Variants in TRPV4 observed in about 807,000 individuals in gnomAD.
TRPV4 encodes OSM9-like transient receptor potential channel 4.
A neutral mutation model predicts 84.1 loss-of-function variants in TRPV4; 58 were observed. The ratio of observed to expected loss-of-function variants is 0.69; its 90% confidence interval spans 0.56 to 0.86. TRPV4 has a LOEUF of 0.86. Among genes scored for constraint, TRPV4 ranks in the 40% least tolerant of loss-of-function variants. The pLI is 0.00. For synonymous variants in TRPV4, 489 were observed against 500.9 expected (o/e 0.98, Z 0.32); for missense variants, 879 against 1,181.1 (o/e 0.74, Z 3.75).
At chr12:109,821,682 C>G (rs550203970) in intron 1 of TRPV4, among the ~76,000 whole-genome samples, 1 of 152,166 alleles carries the variant, frequency 6.6e-6, no homozygotes, top group South Asian at 2.1e-4. Context: ...AGGCATGCAC[C>G]ACAACACCCG....
chr12:109,786,653 C>T lies in TRPV4; in HGVS notation c.2336+57G>A. On this transcript the variant is annotated intron_variant, in intron 14 of 15. Coordinates refer to ENST00000261740, the MANE Select transcript of TRPV4 (RefSeq NM_021625.5). The surrounding 1 kb of genome is among the most constrained non-coding windows in gnomAD (Gnocchi z 4.5). ...AGACGACGCTGGAGCAGCAGGGGCC[C>T]CGAGCCAGTGGGGACAGTTCCGCCC... 6.2e-7 allele frequency: 1 copy of T among 1,608,924 alleles called. No individual in the cohort carries two copies. The highest frequency in any genetic ancestry group is 8.5e-7 in the Non-Finnish European group (1 of 1,178,550).
chr12:109,801,545 A>T (rs1890783738), intron 4 of TRPV4, among the ~76,000 whole-genome samples: 1 of 152,180 alleles, frequency 6.6e-6, no homozygotes, highest in Non-Finnish European at 1.5e-5. Context: ...ATGCCTCCCC[A>T]GCCCTGCGGA....
intron 4 of TRPV4, 47 bp downstream of exon 4, chr12:109,802,944 C>A (rs764795042): frequency 1.2e-6 from 2 of 1,601,402 alleles, no homozygotes; most frequent in African/African-American, 1.3e-5. Flanking sequence ...CAAAGGACAG[C>A]GTCTCCATCA....
chr12:109,789,154 G>T (rs1197131464), intron 12 of TRPV4, among the ~76,000 whole-genome samples: 2 of 152,150 alleles, frequency 1.3e-5, no homozygotes, highest in African/African-American at 4.8e-5. Flanking sequence ...TCAGGATCTA[G>T]TCCAGGGAGG....
chr12:109,786,634 C>T lies in TRPV4; in HGVS notation c.2336+76G>A, dbSNP rs988245043. The T allele has an allele frequency of 3.0e-5, 47 of 1,587,658 alleles. No homozygotes were observed. Among genetic ancestry groups the T allele is most frequent in the East Asian group, 4.6e-5 (2 of 43,934 alleles). ...TCCAGAAATTGCAATGGGTAGACGACGCTGGAGCAGCAGGGGCCCCGAGCC... is the reference window on the plus strand; with the variant it reads ...TCCAGAAATTGCAATGGGTAGACGATGCTGGAGCAGCAGGGGCCCCGAGCC... On this transcript the variant is annotated intron_variant, in intron 14 of 15. Transcript: ENST00000261740. This position sits in a 1 kb window ranked among gnomAD's most constrained non-coding sequence, Gnocchi z 4.5.
chr12:109,792,871 G>C, intron 10 of TRPV4, 54 bp from the exon 11 acceptor site: 1 of 1,592,268 alleles, frequency 6.3e-7, no homozygotes, highest in Non-Finnish European at 8.6e-7. Context: ...GGACAATGAG[G>C]CTCTGGAGGG....
chr12:109,798,943 G>T lies in TRPV4; in HGVS notation c.854-31C>A. The T allele has an allele frequency of 6.3e-7, 1 of 1,592,692 alleles. No homozygotes were observed. On this transcript the variant is annotated intron_variant, in intron 5 of 15. Transcript: ENST00000261740. The surrounding 1 kb of genome is among the most constrained non-coding windows in gnomAD (Gnocchi z 5.0). ...GGCCAGGGTGAAGGGTGGGAGGTCA[G>T]CGAAGGGGGCCCAGGGTGGGACTCT... is the stretch of plus-strand genomic sequence containing the variant.
rs1592839417 is a variant in TRPV4, at chr12:109,798,933, T to G, written c.854-21A>C. The G allele has an allele frequency of 6.2e-7, 1 of 1,601,272 alleles. No individual in the cohort carries two copies. The highest frequency in any genetic ancestry group is 8.5e-7 in the Non-Finnish European group (1 of 1,173,828). ...CTCCCCTGCGGGCCAGGGTGAAGGGTGGGAGGTCAGCGAAGGGGGCCCAGG... is the reference window on the plus strand; with the variant it reads ...CTCCCCTGCGGGCCAGGGTGAAGGGGGGGAGGTCAGCGAAGGGGGCCCAGG... On this transcript the variant is annotated intron_variant, in intron 5 of 15. Coordinates refer to ENST00000261740, the MANE Select transcript of TRPV4 (RefSeq NM_021625.5). The surrounding 1 kb of genome is among the most constrained non-coding windows in gnomAD (Gnocchi z 5.0).
chr12:109,784,365 C>G lies in TRPV4; in HGVS notation c.2409G>C (p.Glu803Asp), dbSNP rs778677152. Reference sequence around the variant, plus strand: ...GCGAGAAGCCATAATACTGGTAGGTCTCATTCTTGCCCGGGTCCTCGTTGA... The same window carrying G: ...GCGAGAAGCCATAATACTGGTAGGTGTCATTCTTGCCCGGGTCCTCGTTGA... ...GIINEDPGKN[E>D]TYQYYGFSHT... Residue 803 changes from glutamate (E) to aspartate (D), a missense_variant, in exon 15 of 16, where the codon GAG becomes GAC. Around this residue, in one of 4 missense-constraint regions of TRPV4, gnomAD observed 242 missense variants for 355.3 expected, o/e 0.68. Coordinates refer to ENST00000261740, the MANE Select transcript of TRPV4 (RefSeq NM_021625.5). 3.1e-6 allele frequency: 5 copies of G among 1,614,192 alleles called. No homozygotes were observed. The highest frequency in any genetic ancestry group is 4.2e-6 in the Non-Finnish European group (5 of 1,180,040).
intron 2 of TRPV4, among the ~76,000 whole-genome samples, chr12:109,809,713 T>TA (rs1363180542): frequency 4.6e-5 from 7 of 151,734 alleles, no homozygotes; most frequent in African/African-American, 1.7e-4. Flanking sequence ...ACCCACCCAC[T>TA]CATATATTAG....
At chr12:109,824,349 T>A (rs61940870) in intron 1 of TRPV4, among the ~76,000 whole-genome samples, 36,224 of 151,998 alleles carry the variant, frequency 0.24, 4,808 homozygotes, top group South Asian at 0.47. Flanking sequence ...CAGGTCCTTC[T>A]TCCCTTATCT....
chr12:109,791,401 G>A (rs1050731193), intron 12 of TRPV4, among the ~76,000 whole-genome samples: 3 of 151,244 alleles, frequency 2.0e-5, no homozygotes, highest in African/African-American at 7.3e-5. Flanking sequence ...ATAATAATAA[G>A]TGGGTGCTAT....
intron 14 of TRPV4, among the ~76,000 whole-genome samples, chr12:109,784,817 G>A (rs745392263): frequency 2.0e-4 from 29 of 144,742 alleles, no homozygotes; most frequent in Middle Eastern, 3.2e-3. Flanking sequence ...CTCCAACCTG[G>A]GGGACAAAGC....
At position 109,793,925 on chromosome 12, in the gene TRPV4, C is replaced by T; in HGVS notation, c.1584+5G>A. On this transcript the variant is annotated splice_donor_5th_base_variant and intron_variant, in intron 9 of 15. Coordinates refer to ENST00000261740, the MANE Select transcript of TRPV4 (RefSeq NM_021625.5). The surrounding 1 kb of genome is among the most constrained non-coding windows in gnomAD (Gnocchi z 4.0). ...GGGTGGGGGGCACGGGGGCCAGGCA[C>T]TTACGTTGGTGAAGAAGAACAGGAC... The T allele has an allele frequency of 6.2e-7, 1 of 1,605,454 alleles. No homozygotes were observed. Among genetic ancestry groups the T allele is most frequent in the South Asian group, 1.1e-5 (1 of 88,858 alleles).
In TRPV4 at chr12:109,784,516, A is replaced by AT. The variant is rs967938767; in HGVS notation, c.2337-80dup. ...GCCACCATCCCCAGCACACCCTCCT[A>AT]TTTTTTTATTATGGTAACATATACA... On this transcript the variant is annotated intron_variant, in intron 14 of 15. Coordinates refer to ENST00000261740, the MANE Select transcript of TRPV4 (RefSeq NM_021625.5). 4.7e-5 allele frequency: 76 copies of AT among 1,604,730 alleles called. 1 individual carries two copies. Among genetic ancestry groups the AT allele is most frequent in the Non-Finnish European group, 4.7e-5 (55 of 1,172,830 alleles).
chr12:109,794,351 T>C lies in TRPV4; in HGVS notation c.1469A>G (p.Tyr490Cys), dbSNP rs745759761. 1.2e-6 allele frequency: 2 copies of C among 1,612,608 alleles called. No individual in the cohort carries two copies. Among genetic ancestry groups the C allele is most frequent in the East Asian group, 4.5e-5 (2 of 44,852 alleles). ...CACTGTGCCCTCCAGCGGCTGGTAG[T>C]AGGCGGTGAGAGTGAAGATGACCAT... ...CAMVIFTLTA[Y>C]YQPLEGTPPY... Residue 490 changes from tyrosine (Y) to cysteine (C), a missense_variant, in exon 8 of 16, where the codon TAC (tyrosine) becomes TGC (cysteine). Physicochemically the swap from Tyr to Cys is radical, Grantham distance 194. Transcript: ENST00000261740.
intron 2 of TRPV4, among the ~76,000 whole-genome samples, chr12:109,811,741 G>A (rs943190743): frequency 1.3e-5 from 2 of 152,034 alleles, no homozygotes; most frequent in Admixed American, 1.3e-4. Flanking sequence ...CCAAGCAAGG[G>A]CTGTGAAGGT....
At position 109,814,461 on chromosome 12, in the gene TRPV4, G is replaced by A; in HGVS notation, c.336C>T (p.Thr112=). The A allele has an allele frequency of 6.2e-7, 1 of 1,614,186 alleles. No homozygotes were observed. Among genetic ancestry groups the A allele is most frequent in the East Asian group, 2.2e-5 (1 of 44,874 alleles). The stretch of plus-strand genomic sequence containing the variant: ...TGTTGTCACTGGAGTGGTGACGATA[G>A]GTGCCGTAGTCAAACAGTGAGTCCA... ...APMDSLFDYG[T]YRHHSSDNKR... The change falls in exon 2 of 16, where the codon ACC becomes ACT. Residue 112 remains threonine, a synonymous_variant. Transcript: ENST00000261740. This position sits in a 1 kb window ranked among gnomAD's most constrained non-coding sequence, Gnocchi z 5.4.
In TRPV4 at chr12:109,800,571, C is replaced by A. The variant is rs201196363; in HGVS notation, c.853+47G>T. ...CCAACCAGTATCATGCTATCTCCCGCCATGCTTCTCCAGCATGCTGTCAGC... is the reference window on the plus strand; with the variant it reads ...CCAACCAGTATCATGCTATCTCCCGACATGCTTCTCCAGCATGCTGTCAGC... On this transcript the variant is annotated intron_variant, in intron 5 of 15. Coordinates refer to ENST00000261740, the MANE Select transcript of TRPV4 (RefSeq NM_021625.5). 189 of 1,610,988 alleles carry A rather than the reference C, an allele frequency of 1.2e-4. No individual in the cohort carries two copies. The East Asian group carries it at 4.0e-3, about 34-fold the overall frequency.
Sources: gnomAD v4.1 joint callset for allele counts (sites outside exome capture counted in the v4.1 genomes callset) on GRCh38, gnomAD v4.1.1 for gene constraint, gnomAD v4.1.1 regional missense constraint, Gnocchi (gnomAD v3.1) non-coding constraint, MANE v1.5 for transcripts, NCBI Gene and HGNC (gene_info 2026-07-23, HGNC 2026-07-21) for gene names.